NDUFV2: variants seen among roughly 807,000 people sequenced by gnomAD.
The protein encoded by NDUFV2 is NADH dehydrogenase [ubiquinone] flavoprotein 2, mitochondrial.
A neutral mutation model predicts 31.6 loss-of-function variants in NDUFV2; 18 were observed. The observed-to-expected ratio is 0.57, with a 90% confidence interval of 0.39 to 0.84. The LOEUF is 0.84. NDUFV2 is among the 40% of genes least tolerant of loss of function. The pLI is 0.00. For missense variants in NDUFV2, 314 were observed against 303.6 expected, an observed-to-expected ratio of 1.03 and a Z score of -0.26; for synonymous variants, 83 against 99.8, an observed-to-expected ratio of 0.83 and a Z score of 1.01.
intron 1 of NDUFV2, among the ~76,000 whole-genome samples, chr18:9,109,734 C>G (rs952978726): frequency 6.6e-6 from 1 of 152,026 alleles, no homozygotes. Context: ...CTGAGTTTCT[C>G]TAAATGTAAA....
At chr18:9,113,854 G>A (rs987450542) in intron 1 of NDUFV2, among the ~76,000 whole-genome samples, 3 of 152,254 alleles carry the variant, frequency 2.0e-5, no homozygotes, top group African/African-American at 4.8e-5. Flanking sequence ...TGGGGAGCTC[G>A]GTTGTTGGAG....
intron 1 of NDUFV2, among the ~76,000 whole-genome samples, chr18:9,113,739 C>A (rs1046918297): frequency 6.6e-5 from 10 of 152,212 alleles, no homozygotes; most frequent in Non-Finnish European, 1.3e-4. Flanking sequence ...AAATCCCTGT[C>A]CTGTTCTGTT....
At position 9,134,245 on chromosome 18, in the gene NDUFV2, A is replaced by G. The variant is rs1391027813; in HGVS notation, c.716A>G (p.Lys239Arg). Residue 239 changes from lysine to arginine, a missense_variant, in exon 8 of 8, where the codon AAG (lysine) becomes AGG (arginine). By Grantham distance (26) the Lys-to-Arg change is conservative. Coordinates refer to ENST00000318388, the MANE Select transcript of NDUFV2 (RefSeq NM_021074.5). ...CTTACCTCTTTGACTGAACCACCCA[A>G]GGGACCTGGATTTGGTGTACAAGCA... Reference protein sequence around the residue: ...GGLTSLTEPPKGPGFGVQAGL With the variant: ...GGLTSLTEPPRGPGFGVQAGL 1.9e-6 allele frequency: 3 copies of G among 1,612,912 alleles called. No homozygotes were observed. The highest frequency in any genetic ancestry group is 2.7e-5 in the African/African-American group (2 of 74,904).
intron 1 of NDUFV2, among the ~76,000 whole-genome samples, chr18:9,106,677 A>G (rs1026526508): frequency 4.6e-5 from 7 of 152,128 alleles, no homozygotes; most frequent in Non-Finnish European, 7.4e-5. Flanking sequence ...TTTCCACAAA[A>G]CTTTGTGGCA....
At chr18:9,111,552 C>CCAAG (rs1268112064) in intron 1 of NDUFV2, among the ~76,000 whole-genome samples, 2 of 151,902 alleles carry the variant, frequency 1.3e-5, no homozygotes, top group African/African-American at 4.8e-5. Context: ...CCTCAGCCTC[C>CCAAG]TGGTTAGCTG....
chr18:9,107,618 G>C (rs1333816191), intron 1 of NDUFV2, among the ~76,000 whole-genome samples: 1 of 152,190 alleles, frequency 6.6e-6, no homozygotes, highest in Non-Finnish European at 1.5e-5. Context: ...AGTAGTAAGG[G>C]CTGGGTTTAT....
intron 6 of NDUFV2, 71 bp from the exon 7 acceptor site, chr18:9,126,760 C>A (rs1217017091): frequency 7.3e-7 from 1 of 1,361,790 alleles, no homozygotes; most frequent in African/African-American, 1.4e-5. Context: ...CATAGTGAGA[C>A]CTTGTCTCTA....
chr18:9,112,912 A>AT (rs2077878924), intron 1 of NDUFV2, among the ~76,000 whole-genome samples: 1 of 152,150 alleles, frequency 6.6e-6, no homozygotes, highest in Non-Finnish European at 1.5e-5. Flanking sequence ...ATGTATTATG[A>AT]TAAAAAATAT....
At chr18:9,123,169 A>G (rs1312154075) in intron 5 of NDUFV2, among the ~76,000 whole-genome samples, 3 of 152,190 alleles carry the variant, frequency 2.0e-5, no homozygotes, top group African/African-American at 7.2e-5. Context: ...GTAAATGGGC[A>G]TTTTCCCCTA....
chr18:9,121,965 A>G (rs975296983), intron 4 of NDUFV2, among the ~76,000 whole-genome samples: 2 of 152,236 alleles, frequency 1.3e-5, no homozygotes, highest in Non-Finnish European at 2.9e-5. Context: ...ATGTGTATAC[A>G]TATATGTAGA....
chr18:9,123,436 G>T (rs190416937), intron 5 of NDUFV2, among the ~76,000 whole-genome samples: 23 of 151,620 alleles, frequency 1.5e-4, no homozygotes, highest in Admixed American at 4.6e-4. Context: ...TTGCTTTTTA[G>T]ACTTTATTTT....
intron 1 of NDUFV2, among the ~76,000 whole-genome samples, chr18:9,111,726 G>T (rs148331884): frequency 6.6e-6 from 1 of 151,912 alleles, no homozygotes; most frequent in South Asian, 2.1e-4. Context: ...ACTGTGCCCG[G>T]CCTGAAGTAC....
intron 7 of NDUFV2, among the ~76,000 whole-genome samples, chr18:9,130,220 T>TA (rs2078028074): frequency 1.3e-5 from 2 of 152,214 alleles, no homozygotes; most frequent in South Asian, 4.1e-4. Flanking sequence ...GGGGTGAAAT[T>TA]AAAATCTGTT....
rs41274296 is a variant in NDUFV2, at chr18:9,119,262, T to C, written c.121-64T>C. 10,336 of 1,194,442 alleles carry C rather than the reference T, an allele frequency of 8.7e-3. 65 individuals are homozygous for C. The highest frequency in any genetic ancestry group is 0.011 in the Non-Finnish European group (8,561 of 798,912). 74.0% of individuals were successfully genotyped at this position (1,194,442 alleles called of 1,614,324 possible). A position where few individuals can be genotyped will look rare whatever the true frequency, so the allele number is the denominator to read the frequency against. ...TAAACAATAAGTAATAGTATAGTAA[T>C]GTACAGTGTCATTCACACTTGAGAG... On this transcript the variant is annotated intron_variant, in intron 2 of 7. Coordinates refer to ENST00000318388, the MANE Select transcript of NDUFV2 (RefSeq NM_021074.5).
chr18:9,119,520 C>T lies in NDUFV2; in HGVS notation c.230C>T (p.Ala77Val). Residue 77 changes from alanine (A) to valine (V), a missense_variant, in exon 4 of 8, where the codon GCA becomes GTA. By Grantham distance (64) the Ala-to-Val change is moderately conservative. Transcript: ENST00000318388. ...AACTATCCAGAAGGCCATAAAGCAG[C>T]AGCTGTTCTTCCAGTCCTGGATTTA... ...VKNYPEGHKA[A>V]AVLPVLDLAQ... 3 of 1,613,892 alleles carry T rather than the reference C, an allele frequency of 1.9e-6. No individual in the cohort carries two copies. Among genetic ancestry groups the T allele is most frequent in the African/African-American group, 2.7e-5 (2 of 75,052 alleles).
chr18:9,109,425 C>T (rs767465692), intron 1 of NDUFV2, among the ~76,000 whole-genome samples: 1 of 152,144 alleles, frequency 6.6e-6, no homozygotes, highest in Non-Finnish European at 1.5e-5. Flanking sequence ...TAGCTGGATG[C>T]ATTTATAATG....
At chr18:9,114,445 C>CTTTTT (rs58160760) in intron 1 of NDUFV2, among the ~76,000 whole-genome samples, 1 of 135,890 alleles carries the variant, frequency 7.4e-6, no homozygotes, top group Non-Finnish European at 1.6e-5. Context: ...TTGTTTGGAT[C>CTTTTT]TTTTTTTTTT....
chr18:9,124,842 C>T lies in NDUFV2; in HGVS notation c.470-32C>T, dbSNP rs757419100. The stretch of plus-strand genomic sequence containing the variant: ...AACCAAATGACTATTAAAATATAAC[C>T]TGGTCCTTAGAGTGTTTATTTGTAT... On this transcript the variant is annotated intron_variant, in intron 5 of 7. Coordinates refer to ENST00000318388, the MANE Select transcript of NDUFV2 (RefSeq NM_021074.5). 3.8e-6 allele frequency: 6 copies of T among 1,585,890 alleles called. No individual in the cohort carries two copies. In the African/African-American group the frequency reaches 6.8e-5, roughly 18 times the overall value.
chr18:9,118,785 T>A (rs1479605365), intron 2 of NDUFV2, among the ~76,000 whole-genome samples: 1 of 151,446 alleles, frequency 6.6e-6, no homozygotes, highest in Non-Finnish European at 1.5e-5. Flanking sequence ...CTGTTGGCTA[T>A]TATGGAAAAC....
Sources: gnomAD v4.1 joint callset for allele counts (sites outside exome capture counted in the v4.1 genomes callset) on GRCh38, gnomAD v4.1.1 for gene constraint, MANE v1.5 for transcripts, NCBI Gene and HGNC (gene_info 2026-07-23, HGNC 2026-07-21) for gene names.